Variants in ESR1 observed in about 807,000 individuals in gnomAD.
ESR1 encodes estrogen receptor 1, also known as estrogen receptor.
ESR1 carries 12 observed loss-of-function variants against 52.7 expected under a neutral mutation model. That is an observed-to-expected ratio of 0.23 (90% CI 0.15 to 0.37). The LOEUF (loss-of-function observed/expected upper bound fraction) is 0.37. Among genes scored for constraint, ESR1 ranks in the 10% least tolerant of loss-of-function variants. The probability of loss-of-function intolerance (pLI) is 1.00; values close to 1 mark genes in which losing one functional copy is unlikely to be tolerated. For synonymous variants in ESR1, 305 were observed against 316.8 expected (o/e 0.96, Z 0.39); for missense variants, 584 against 779.7 (o/e 0.75, Z 2.99).
intron 2 of ESR1, among the ~76,000 whole-genome samples, chr6:151,748,970 G>A (rs1783690289): frequency 6.6e-6 from 1 of 152,018 alleles, no homozygotes; most frequent in Admixed American, 6.6e-5. Context: ...CGTATGCTAG[G>A]TGAACTTTAA....
At chr6:151,801,337 T>C (rs995372593), upstream of ESR1, among the ~76,000 whole-genome samples, 4 of 152,186 alleles carry the variant, frequency 2.6e-5, no homozygotes, top group Non-Finnish European at 5.9e-5. Flanking sequence ...GTACATTATA[T>C]AAAAAGATCC....
At chr6:152,106,699 C>T (rs1030571231), downstream of ESR1, among the ~76,000 whole-genome samples, 1 of 152,160 alleles carries the variant, frequency 6.6e-6, no homozygotes, top group African/African-American at 2.4e-5. Flanking sequence ...AGTGATCCTT[C>T]CACCTTAGCC....
Position 152,003,593 on chromosome 6 carries a change from G to T in ESR1, c.1097-8063G>T, listed in dbSNP as rs143866354. Among the ~76,000 whole-genome samples the T allele has an allele frequency of 2.3e-4, 35 of 151,972 alleles. No individual in the cohort carries two copies. In the East Asian group the frequency reaches 5.1e-3, roughly 22 times the overall value. On this transcript the variant is annotated intron_variant, in intron 4 of 7. Coordinates refer to ENST00000206249, the MANE Select transcript of ESR1 (RefSeq NM_000125.4). ...GGGCTGCATGAAGTTTGTAAGTAGT[G>T]TCATCATTCTCTTATTAGGTAACAA...
At chr6:151,874,253 G>C (rs1791450348) in intron 2 of ESR1, among the ~76,000 whole-genome samples, 1 of 152,082 alleles carries the variant, frequency 6.6e-6, no homozygotes, top group South Asian at 2.1e-4. Context: ...CCTTATGAAA[G>C]TCTCCTTGAC....
At chr6:151,863,894 T>G (rs2128292913) in intron 2 of ESR1, among the ~76,000 whole-genome samples, 1 of 152,294 alleles carries the variant, frequency 6.6e-6, no homozygotes, top group Non-Finnish European at 1.5e-5. Context: ...TCCTTACACC[T>G]TATACAAAAA....
exon 7 of ESR1, chr6:152,128,004 T>C (rs1182602897): frequency 6.6e-6 from 1 of 152,216 alleles, no homozygotes; most frequent in East Asian, 1.9e-4. Flanking sequence ...TTTTGCATTT[T>C]ACAATTCTAA....
chr6:151,685,031 T>C (rs1342691396), intron 1 of ESR1, among the ~76,000 whole-genome samples: 4 of 152,026 alleles, frequency 2.6e-5, no homozygotes. Flanking sequence ...TTCCGGAGTT[T>C]GTGCAAGCTG....
chr6:152,015,381 T>C (rs2043094555), intron 5 of ESR1, among the ~76,000 whole-genome samples: 1 of 152,216 alleles, frequency 6.6e-6, no homozygotes, highest in Non-Finnish European at 1.5e-5. Flanking sequence ...CTTTTCTTTC[T>C]TTTCCTTTTC....
At chr6:151,662,158 A>T (rs1172611992) in intron 1 of ESR1, among the ~76,000 whole-genome samples, 1 of 152,286 alleles carries the variant, frequency 6.6e-6, no homozygotes. Context: ...GACTCACCTT[A>T]GTGACTCTAT....
chr6:151,835,598 A>C (rs567381648), intron 1 of ESR1, among the ~76,000 whole-genome samples: 5 of 152,188 alleles, frequency 3.3e-5, no homozygotes, highest in Non-Finnish European at 5.9e-5. Context: ...AAGTCGTATA[A>C]ATTGTCTGGA....
At chr6:151,809,580 AC>A (rs1167567667) in intron 1 of ESR1, among the ~76,000 whole-genome samples, 1 of 152,112 alleles carries the variant, frequency 6.6e-6, no homozygotes, top group Non-Finnish European at 1.5e-5. Context: ...TAAGCCGTGG[AC>A]CAGTTTTTGT....
At chr6:151,927,591 A>G (rs1453228490) in intron 3 of ESR1, among the ~76,000 whole-genome samples, 1 of 152,152 alleles carries the variant, frequency 6.6e-6, no homozygotes, top group African/African-American at 2.4e-5. Flanking sequence ...GAATTGGTCC[A>G]TTTCATCCAA....
At chr6:152,081,336 C>G (rs2049194412) in intron 6 of ESR1, among the ~76,000 whole-genome samples, 1 of 152,132 alleles carries the variant, frequency 6.6e-6, no homozygotes, top group Admixed American at 6.5e-5. Context: ...CAAATCCACA[C>G]AGCTACGTGG....
rs541356184 is a variant in ESR1, at chr6:151,675,608, G to A, written n.73+18845G>A. 2.0e-5 allele frequency among the ~76,000 whole-genome samples: 3 copies of A among 152,244 alleles called. No homozygotes were observed. In the South Asian group the frequency reaches 6.2e-4, roughly 32 times the overall value. On this transcript the variant is annotated intron_variant and non_coding_transcript_variant, in intron 1 of 2. Transcript: ENST00000473497. ...GAATAACTCTACACTTACATAGTGT[G>A]TTCTAGTGATTAGAAACAAAAAAGC...
intron 4 of ESR1, among the ~76,000 whole-genome samples, chr6:151,986,445 C>T (rs1056031561): frequency 3.6e-4 from 55 of 152,112 alleles, no homozygotes; most frequent in African/African-American, 1.2e-3. Context: ...TCTAGTTCTC[C>T]TATACCTGTG....
intron 2 of ESR1, among the ~76,000 whole-genome samples, chr6:151,868,075 C>T (rs1348723749): frequency 4.3e-5 from 2 of 46,046 alleles, no homozygotes; most frequent in South Asian, 6.3e-4. Context: ...GAGCATAGTA[C>T]CCAATGATAG....
At chr6:151,857,632 G>T (rs1788103749) in intron 2 of ESR1, among the ~76,000 whole-genome samples, 1 of 152,062 alleles carries the variant, frequency 6.6e-6, no homozygotes, top group African/African-American at 2.4e-5. Context: ...GGGTTCAAGT[G>T]ATTCTCCTGC....
intron 5 of ESR1, among the ~76,000 whole-genome samples, chr6:152,034,894 ATTC>A (rs968875880): frequency 1.4e-4 from 21 of 152,342 alleles, no homozygotes; most frequent in African/African-American, 4.1e-4. Context: ...CTTCAAAAGG[ATTC>A]TTCTTCTTTG....
At chr6:151,935,328 T>C (rs2034226783) in intron 3 of ESR1, among the ~76,000 whole-genome samples, 1 of 152,184 alleles carries the variant, frequency 6.6e-6, no homozygotes, top group Non-Finnish European at 1.5e-5. Context: ...GAAGGATGAA[T>C]AACCAGACTT....
Sources: allele counts gnomAD v4.1 joint callset (sites outside exome capture counted in the v4.1 genomes callset), GRCh38; gene constraint gnomAD v4.1.1; transcripts MANE v1.5; gene names NCBI Gene and HGNC (gene_info 2026-07-23, HGNC 2026-07-21).